The following ROBO2 variants were observed in gnomAD, a reference collection of about 807,000 sequenced individuals.
ROBO2 encodes roundabout homolog 2.
ROBO2 carries 53 observed loss-of-function variants against 160.8 expected under a neutral mutation model. The ratio of observed to expected loss-of-function variants is 0.33; its 90% CI spans 0.26 to 0.41. The LOEUF (loss-of-function observed/expected upper bound fraction) is 0.41. Among genes scored for constraint, ROBO2 ranks in the 10% least tolerant of loss-of-function variants. The pLI is 1.00. For missense variants in ROBO2, 1,577 were observed against 1,722.4 expected (o/e 0.92, Z 1.49); for synonymous variants, 664 against 611.7 (o/e 1.09, Z -1.26).
intron 5 of ROBO2, among the ~76,000 whole-genome samples, chr3:77,499,376 C>T (rs1408657403): frequency 2.6e-5 from 4 of 152,004 alleles, no homozygotes; most frequent in African/African-American, 4.8e-5. Context: ...AAGAATTATG[C>T]CATCCATTCT....
intron 2 of ROBO2, among the ~76,000 whole-genome samples, chr3:76,346,610 C>T (rs1311349639): frequency 6.6e-6 from 1 of 152,030 alleles, no homozygotes; most frequent in African/African-American, 2.4e-5. Context: ...ATTTTATTGT[C>T]CAGAGCCACT....
chr3:77,068,155 G>A (rs1309325948), intron 1 of ROBO2, among the ~76,000 whole-genome samples: 2 of 152,074 alleles, frequency 1.3e-5, no homozygotes, highest in African/African-American at 4.8e-5. Context: ...AAAGGGAAGA[G>A]GCTGCCCTTT....
chr3:77,047,685 C>CA (rs2064816773), intron 1 of ROBO2, among the ~76,000 whole-genome samples: 1 of 147,340 alleles, frequency 6.8e-6, no homozygotes, highest in Non-Finnish European at 1.5e-5. Context: ...AACTCCGTCT[C>CA]AAAAAAATAT....
chr3:77,200,486 C>T (rs530297078), intron 2 of ROBO2, among the ~76,000 whole-genome samples: 1 of 151,116 alleles, frequency 6.6e-6, no homozygotes, highest in African/African-American at 2.4e-5. Flanking sequence ...GGGTATCACC[C>T]CCTCATCAGT....
At chr3:77,167,416 C>T (rs2079196083) in intron 2 of ROBO2, among the ~76,000 whole-genome samples, 1 of 152,086 alleles carries the variant, frequency 6.6e-6, no homozygotes, top group Non-Finnish European at 1.5e-5. Context: ...GTTAAAACAT[C>T]TTTTGAAGAC....
At chr3:77,542,529 G>A (rs561082525) in intron 6 of ROBO2, among the ~76,000 whole-genome samples, 15 of 152,228 alleles carry the variant, frequency 9.9e-5, no homozygotes, top group African/African-American at 1.9e-4. Context: ...TAAACATCAC[G>A]TGATAATATA....
At chr3:76,529,042 G>GA (rs945415095) in intron 2 of ROBO2, among the ~76,000 whole-genome samples, 3 of 152,098 alleles carry the variant, frequency 2.0e-5, no homozygotes, top group South Asian at 2.1e-4. Flanking sequence ...GTGGTGGTGA[G>GA]AAAAAACCCT....
At chr3:76,354,454 T>G (rs2075044645) in intron 2 of ROBO2, among the ~76,000 whole-genome samples, 2 of 151,896 alleles carry the variant, frequency 1.3e-5, no homozygotes, top group South Asian at 4.1e-4. Flanking sequence ...CATTATGTTT[T>G]TATAAATTAT....
At chr3:76,382,883 CTT>C (rs1470728190) in intron 2 of ROBO2, among the ~76,000 whole-genome samples, 1 of 152,058 alleles carries the variant, frequency 6.6e-6, no homozygotes, top group Non-Finnish European at 1.5e-5. Context: ...TTCAGCTTCT[CTT>C]TGAGACTTAG....
At chr3:77,157,710 AT>A (rs1353076936) in intron 2 of ROBO2, among the ~76,000 whole-genome samples, 1 of 152,110 alleles carries the variant, frequency 6.6e-6, no homozygotes, top group African/African-American at 2.4e-5. Flanking sequence ...GAAGGGAGCT[AT>A]TGCTTATGAG....
intron 21 of ROBO2, among the ~76,000 whole-genome samples, chr3:77,608,871 GTTGT>G (rs1271930135): frequency 6.6e-6 from 1 of 151,378 alleles, no homozygotes; most frequent in Non-Finnish European, 1.5e-5. Context: ...TTCTATAATG[GTTGT>G]TTATTTATTA....
chr3:76,751,952 AG>A (rs1293294221), intron 2 of ROBO2, among the ~76,000 whole-genome samples: 2 of 152,148 alleles, frequency 1.3e-5, no homozygotes, highest in African/African-American at 4.8e-5. Flanking sequence ...GTATATACCC[AG>A]ATGTTTATAA....
At chr3:77,398,618 C>T (rs2075509822) in intron 2 of ROBO2, among the ~76,000 whole-genome samples, 1 of 151,988 alleles carries the variant, frequency 6.6e-6, no homozygotes. Flanking sequence ...GTCTCACTCT[C>T]CCGCCCTGGC....
At chr3:77,645,368 T>G (rs2095402596) in intron 25 of ROBO2, among the ~76,000 whole-genome samples, 1 of 152,206 alleles carries the variant, frequency 6.6e-6, no homozygotes, top group South Asian at 2.1e-4. Context: ...TAAATTGTAA[T>G]GTTTTGACTA....
intron 2 of ROBO2, among the ~76,000 whole-genome samples, chr3:76,803,038 A>G (rs1353662249): frequency 1.3e-5 from 2 of 152,184 alleles, no homozygotes; most frequent in East Asian, 3.9e-4. Flanking sequence ...TTTTGATCTC[A>G]TTACATTAAT....
At chr3:76,205,498 G>A (rs557686590) in intron 2 of ROBO2, among the ~76,000 whole-genome samples, 4 of 152,264 alleles carry the variant, frequency 2.6e-5, no homozygotes, top group Non-Finnish European at 4.4e-5. Flanking sequence ...GCCCATGTGA[G>A]TTACAGCTCG....
intron 6 of ROBO2, 117 bp downstream of exon 6, chr3:77,523,019 T>C: frequency 1.7e-6 from 2 of 1,208,196 alleles, no homozygotes; most frequent in Non-Finnish European, 2.4e-6. Flanking sequence ...CTAAAATGCC[T>C]AGATTTTGTG....
chr3:76,464,760 A>G (rs1194386639), intron 2 of ROBO2, among the ~76,000 whole-genome samples: 1 of 152,184 alleles, frequency 6.6e-6, no homozygotes, highest in Non-Finnish European at 1.5e-5. Context: ...TTAAATGGAT[A>G]TTGTAGTTTA....
intron 22 of ROBO2, among the ~76,000 whole-genome samples, chr3:77,619,786 T>G (rs1487713460): frequency 6.6e-6 from 1 of 152,158 alleles, no homozygotes; most frequent in Non-Finnish European, 1.5e-5. Flanking sequence ...CACAGGACAT[T>G]CTAAGGGCTT....
Sources: gnomAD v4.1 joint callset for allele counts (sites outside exome capture counted in the v4.1 genomes callset) on GRCh38, gnomAD v4.1.1 for gene constraint, MANE v1.5 for transcripts, NCBI Gene and HGNC (gene_info 2026-07-23, HGNC 2026-07-21) for gene names.